Variants in TOX4 observed in about 807,000 individuals in gnomAD.
The protein encoded by TOX4 is epidermal Langerhans cell protein LCP1.
Under a neutral mutation model 61.0 loss-of-function variants are expected in TOX4, and 12 were observed. The ratio of observed to expected loss-of-function variants is 0.20; its 90% CI spans 0.13 to 0.32. TOX4 has a LOEUF of 0.32. TOX4 is among the 10% of genes least tolerant of loss of function. TOX4 has a pLI of 1.00. For synonymous variants in TOX4, 268 were observed against 274.8 expected (o/e 0.98, Z 0.24); for missense variants, 499 against 753.3 (o/e 0.66, Z 3.95).
In TOX4 at chr14:21,492,978, C is replaced by T; in HGVS notation, c.1362C>T (p.Pro454=). Residue 454 remains proline, a synonymous_variant, in exon 7 of 9, where the codon CCC becomes CCT. Transcript: ENST00000448790. ...QPPPLQQMPQ[P]PTQQQVTILQ... ...CTCCATTACAACAGATGCCACAGCC[C>T]CCGACTCAGCAGCAAGTTACCATTC... is the stretch of plus-strand genomic sequence containing the variant. 6.2e-7 allele frequency: 1 copy of T among 1,613,004 alleles called. No individual in the cohort carries two copies. Among genetic ancestry groups the T allele is most frequent in the Non-Finnish European group, 8.5e-7 (1 of 1,179,416 alleles).
In TOX4 at chr14:21,495,371, A is replaced by T. The variant is rs1891379020; in HGVS notation, c.1784A>T (p.Glu595Val). 6.2e-7 allele frequency: 1 copy of T among 1,613,766 alleles called. No homozygotes were observed. The highest frequency in any genetic ancestry group is 1.3e-5 in the African/African-American group (1 of 74,912). Reference protein sequence around the residue: ...KDWDNEYCSNECVVKHCRDVF... With the variant: ...KDWDNEYCSNVCVVKHCRDVF... Reference sequence around the variant, plus strand: ...TGGGACAATGAATACTGCAGCAATGAGTGTGTGGTGAAGCACTGCAGGTGA... The same window carrying T: ...TGGGACAATGAATACTGCAGCAATGTGTGTGTGGTGAAGCACTGCAGGTGA... The change falls in exon 8 of 9, where the codon GAG becomes GTG. Residue 595 changes from glutamate (E) to valine (V), a missense_variant. Physicochemically the swap from Glu to Val is moderately radical, Grantham distance 121. Coordinates refer to ENST00000448790, the MANE Select transcript of TOX4 (RefSeq NM_014828.4).
At chr14:21,489,114 T>A in intron 4 of TOX4, 59 bp from the exon 5 acceptor site, 1 of 1,543,278 alleles carries the variant, frequency 6.5e-7, no homozygotes, top group Non-Finnish European at 8.8e-7. Context: ...GTGGCTAGTT[T>A]CCAGACATAA....
In TOX4 at chr14:21,477,552, G is replaced by T. The variant is rs1351092155; in HGVS notation, c.63G>T (p.Leu21=). 9 of 1,613,698 alleles carry T rather than the reference G, an allele frequency of 5.6e-6. No homozygotes were observed. Among genetic ancestry groups the T allele is most frequent in the Non-Finnish European group, 7.6e-6 (9 of 1,180,034 alleles). The change falls in exon 2 of 9, where the codon CTG becomes CTT. Residue 21 remains leucine (L), a synonymous_variant. Coordinates refer to ENST00000448790, the MANE Select transcript of TOX4 (RefSeq NM_014828.4). ...TCACAGGGCCTTCGCACCCCTTCCT[G>T]TCAGGGGCCGAGGTGAGCCAGAGCT... is the stretch of plus-strand genomic sequence containing the variant. ...LTITGPSHPF[L]SGAETFHTPS...
intron 5 of TOX4, 125 bp downstream of exon 5, chr14:21,489,528 A>T (rs1458412595): frequency 1.2e-6 from 1 of 848,276 alleles, no homozygotes; most frequent in Non-Finnish European, 1.8e-6. Context: ...ACACTTAAAT[A>T]TCATCCCTTG....
chr14:21,477,616 G>A, intron 2 of TOX4, 52 bp downstream of exon 2: 1 of 1,599,088 alleles, frequency 6.3e-7, no homozygotes, highest in Non-Finnish European at 8.5e-7. Context: ...CAGCGGTGGG[G>A]TAGGGTAGTG....
chr14:21,477,363 G>A lies in TOX4; in HGVS notation c.6+79G>A. 3.1e-6 allele frequency: 5 copies of A among 1,613,544 alleles called. 1 individual carries two copies. The Admixed American group carries it at 8.3e-5, about 27-fold the overall frequency. On this transcript the variant is annotated intron_variant, in intron 1 of 8. Coordinates refer to ENST00000448790, the MANE Select transcript of TOX4 (RefSeq NM_014828.4). ...AAGCAGGGACGGGAAGCCGGGCGGA[G>A]AGGCGACTGACGGGAGAGGAGAGAG...
chr14:21,487,818 C>A, intron 3 of TOX4, 125 bp downstream of exon 3: 1 of 1,106,536 alleles, frequency 9.0e-7, no homozygotes, highest in Non-Finnish European at 1.2e-6. Context: ...TAAAGGCTCA[C>A]CAACAAAGAC....
intron 2 of TOX4, among the ~76,000 whole-genome samples, chr14:21,482,246 G>C (rs1398287611): frequency 1.3e-5 from 2 of 152,048 alleles, no homozygotes; most frequent in Non-Finnish European, 2.9e-5. Context: ...TCCTTCAGTA[G>C]GAAAAGTAAC....
chr14:21,498,311 G>A lies in TOX4; in HGVS notation c.*1705G>A, dbSNP rs200568556. 18 of 1,613,986 alleles carry A rather than the reference G, an allele frequency of 1.1e-5. No individual in the cohort carries two copies. In the African/African-American group the frequency reaches 1.2e-4, roughly 11 times the overall value. ...CCATCTGGGTACCTTTGCTTGAACC[G>A]TGCAACCACATCTGGGTCTAGTAGG... On this transcript the variant is annotated 3_prime_UTR_variant, in exon 9 of 9. Coordinates refer to ENST00000448790, the MANE Select transcript of TOX4 (RefSeq NM_014828.4).
chr14:21,488,416 G>T, intron 3 of TOX4, 174 bp from the exon 4 acceptor site: 1 of 681,050 alleles, frequency 1.5e-6, no homozygotes, highest in Non-Finnish European at 2.4e-6. Flanking sequence ...ATTAATTTCT[G>T]TACTTTTTTA....
At chr14:21,484,232 G>A (rs1891157977) in intron 2 of TOX4, among the ~76,000 whole-genome samples, 1 of 149,558 alleles carries the variant, frequency 6.7e-6, no homozygotes, top group Admixed American at 6.7e-5. Flanking sequence ...TGTCTTTTAG[G>A]AAACTTTTAC....
chr14:21,477,476 G>A lies in TOX4; in HGVS notation c.7-20G>A. ...CCTGCTCCCCCTAACTTATCCCCGC[G>A]ACTTTCTTTTGGTTTCCAGTTTCCC... On this transcript the variant is annotated intron_variant, in intron 1 of 8. Coordinates refer to ENST00000448790, the MANE Select transcript of TOX4 (RefSeq NM_014828.4). 6.2e-7 allele frequency: 1 copy of A among 1,613,078 alleles called. No homozygotes were observed.
At chr14:21,480,365 G>A in intron 2 of TOX4, among the ~76,000 whole-genome samples, 1 of 152,042 alleles carries the variant, frequency 6.6e-6, no homozygotes, top group African/African-American at 2.4e-5. Flanking sequence ...CTTTGCCTAA[G>A]GCTCCTGTCA....
Position 21,493,790 on chromosome 14 carries a change from G to T in TOX4, c.1641+533G>T, listed in dbSNP as rs368773223. 1.3e-4 allele frequency among the ~76,000 whole-genome samples: 19 copies of T among 151,134 alleles called. 1 individual carries two copies. In the East Asian group the frequency reaches 3.7e-3, roughly 30 times the overall value. On this transcript the variant is annotated intron_variant, in intron 7 of 8. Transcript: ENST00000448790. The stretch of plus-strand genomic sequence containing the variant: ...TCTTGAGACGGAGTCTCGCTCTGTT[G>T]CCTGGGCTGGAGTGCAGTGGTGTAA...
chr14:21,479,681 G>C (rs748063820), intron 2 of TOX4, among the ~76,000 whole-genome samples: 4 of 151,934 alleles, frequency 2.6e-5, no homozygotes, highest in Non-Finnish European at 5.9e-5. Context: ...AAATCTGCTT[G>C]GTGCTTTGCA....
chr14:21,485,715 AATT>A lies in TOX4; in HGVS notation c.76-1734_76-1732del, dbSNP rs1299885068. ...CCCCGTCTCTATTAAAAAACACAAAAATTAGCTGGGCGTGGTGGCACACACCTG... is the reference window on the plus strand; with the variant it reads ...CCCCGTCTCTATTAAAAAACACAAAAAGCTGGGCGTGGTGGCACACACCTG... On this transcript the variant is annotated intron_variant, in intron 2 of 8. Coordinates refer to ENST00000448790, the MANE Select transcript of TOX4 (RefSeq NM_014828.4). 2.9e-5 allele frequency among the ~76,000 whole-genome samples: 3 copies of A among 102,268 alleles called. 1 individual carries two copies. Among genetic ancestry groups the A allele is most frequent in the Non-Finnish European group, 6.4e-5 (3 of 47,124 alleles). 67.1% of individuals were successfully genotyped at this position (102,268 alleles called of 152,430 possible).
chr14:21,483,277 A>AT (rs1891138094), intron 2 of TOX4, among the ~76,000 whole-genome samples: 2 of 152,210 alleles, frequency 1.3e-5, no homozygotes, highest in African/African-American at 2.4e-5. Flanking sequence ...AAGGATAGGC[A>AT]TCTTTGCTTT....
chr14:21,495,351 C>A lies in TOX4; in HGVS notation c.1764C>A (p.Asp588Glu), dbSNP rs1255582971. 4 of 1,614,002 alleles carry A rather than the reference C, an allele frequency of 2.5e-6. No individual in the cohort carries two copies. Among genetic ancestry groups the A allele is most frequent in the African/African-American group, 2.7e-5 (2 of 74,912 alleles). The change falls in exon 8 of 9, where the codon GAC (aspartate) becomes GAA (glutamate). Residue 588 changes from aspartate to glutamate, a missense_variant. Physicochemically the swap from Asp to Glu is conservative, Grantham distance 45. Transcript: ENST00000448790. ...CTCCCATTGTGAGTAAGGACTGGGACAATGAATACTGCAGCAATGAGTGTG... is the reference window on the plus strand; with the variant it reads ...CTCCCATTGTGAGTAAGGACTGGGAAAATGAATACTGCAGCAATGAGTGTG... The part of the protein sequence containing the change: ...ENPPIVSKDW[D>E]NEYCSNECVV...
intron 2 of TOX4, among the ~76,000 whole-genome samples, chr14:21,483,964 C>A (rs1484243004): frequency 6.6e-6 from 1 of 151,994 alleles, no homozygotes. Flanking sequence ...CACACCACCA[C>A]ACCCAGCTAA....
Sources: gnomAD v4.1 joint callset for allele counts (sites outside exome capture counted in the v4.1 genomes callset) on GRCh38, gnomAD v4.1.1 for gene constraint, MANE v1.5 for transcripts, NCBI Gene and HGNC (gene_info 2026-07-23, HGNC 2026-07-21) for gene names.